KIAA1549: variants seen among roughly 807,000 people sequenced by gnomAD.
The protein encoded by KIAA1549 is UPF0606 protein KIAA1549.
KIAA1549 carries 70 observed loss-of-function variants against 156.4 expected under a neutral mutation model. The ratio of observed to expected loss-of-function variants is 0.45; its 90% confidence interval spans 0.37 to 0.55. The LOEUF (loss-of-function observed/expected upper bound fraction) is 0.55, where lower values mean the gene tolerates loss of function less well. Ranked by LOEUF, KIAA1549 falls within the 20% of genes least tolerant of loss-of-function variation. KIAA1549 has a pLI of 0.00. For synonymous variants in KIAA1549, 1,103 were observed against 1,066.4 expected, an observed-to-expected ratio of 1.03 and a Z score of -0.67; for missense variants, 2,428 against 2,540.9, an observed-to-expected ratio of 0.96 and a Z score of 0.96.
chr7:138,914,942 T>C (rs544784686), intron 2 of KIAA1549, among the ~76,000 whole-genome samples: 1 of 152,282 alleles, frequency 6.6e-6, no homozygotes, highest in South Asian at 2.1e-4. Flanking sequence ...ACTGACCACT[T>C]TGTAACAATT....
intron 1 of KIAA1549, among the ~76,000 whole-genome samples, chr7:138,958,700 G>A (rs765269939): frequency 6.6e-6 from 1 of 152,016 alleles, no homozygotes; most frequent in African/African-American, 2.4e-5. Flanking sequence ...CCCTGGTATA[G>A]AGAGGACTGG....
intron 1 of KIAA1549, among the ~76,000 whole-genome samples, chr7:138,944,237 C>A (rs1266302924): frequency 6.6e-6 from 1 of 152,156 alleles, no homozygotes; most frequent in Non-Finnish European, 1.5e-5. Context: ...CCCCAGCCCC[C>A]ACACTACCCC....
chr7:138,926,352 T>C (rs1195308277), intron 1 of KIAA1549, among the ~76,000 whole-genome samples: 1 of 152,124 alleles, frequency 6.6e-6, no homozygotes, highest in African/African-American at 2.4e-5. Context: ...AGAGGTGCAA[T>C]CTCGGCTCAC....
intron 1 of KIAA1549, among the ~76,000 whole-genome samples, chr7:138,979,797 C>T (rs1814490302): frequency 6.6e-6 from 1 of 152,204 alleles, no homozygotes; most frequent in South Asian, 2.1e-4. Context: ...CCTGGTTCCA[C>T]CCAGCTATGG....
intron 1 of KIAA1549, among the ~76,000 whole-genome samples, chr7:138,965,891 T>G (rs942633144): frequency 6.6e-6 from 1 of 152,164 alleles, no homozygotes; most frequent in Non-Finnish European, 1.5e-5. Context: ...CCTCCACCCC[T>G]AGCACCCACT....
In KIAA1549 at chr7:138,865,604, A is replaced by G. The variant is rs1239521097; in HGVS notation, c.4929+2371T>C. On this transcript the variant is annotated intron_variant, in intron 15 of 19. Transcript: ENST00000422774. ...ATTTTTATTTTGGGGCAATCTTTTAAAAAAGGAGCCACTGAAGGCAAGCAG... is the reference window on the plus strand; with the variant it reads ...ATTTTTATTTTGGGGCAATCTTTTAGAAAAGGAGCCACTGAAGGCAAGCAG... Among the ~76,000 whole-genome samples the G allele has an allele frequency of 2.0e-5, 3 of 152,308 alleles. No individual in the cohort carries two copies. In the East Asian group the frequency reaches 5.8e-4, roughly 29 times the overall value.
intron 1 of KIAA1549, among the ~76,000 whole-genome samples, chr7:138,931,833 C>T (rs1442076926): frequency 2.0e-5 from 3 of 151,286 alleles, no homozygotes; most frequent in Non-Finnish European, 2.9e-5. Flanking sequence ...TTGAGATTCA[C>T]GTGTATATAT....
At chr7:138,912,944 G>T (rs10235163) in intron 2 of KIAA1549, among the ~76,000 whole-genome samples, 7 of 151,902 alleles carry the variant, frequency 4.6e-5, no homozygotes, top group East Asian at 1.9e-4. Flanking sequence ...GCGCAATCTT[G>T]GCTCACTGTA....
intron 17 of KIAA1549, among the ~76,000 whole-genome samples, chr7:138,844,874 A>AT (rs111317307): frequency 0.028 from 4,054 of 146,762 alleles, 183 homozygotes; most frequent in African/African-American, 0.09. Context: ...CACAGCGGTA[A>AT]TTTTTTTTTT....
At chr7:138,857,995 G>GA (rs1810441224) in intron 16 of KIAA1549, among the ~76,000 whole-genome samples, 1 of 152,174 alleles carries the variant, frequency 6.6e-6, no homozygotes, top group Non-Finnish European at 1.5e-5. Context: ...CATTTAATGT[G>GA]ATTATTGATA....
At chr7:138,861,997 C>T (rs984419258) in intron 15 of KIAA1549, among the ~76,000 whole-genome samples, 2 of 152,094 alleles carry the variant, frequency 1.3e-5, no homozygotes, top group Admixed American at 6.6e-5. Context: ...CAACTATTTA[C>T]AAGGCATTTC....
At chr7:138,961,671 T>C (rs906286203) in intron 1 of KIAA1549, among the ~76,000 whole-genome samples, 29 of 152,070 alleles carry the variant, frequency 1.9e-4, no homozygotes, top group African/African-American at 6.5e-4. Flanking sequence ...GTGATGATGA[T>C]GCCACTATCA....
rs537450614 is a variant in KIAA1549 at position 138,926,191 on chromosome 7, T to C, written c.188-6753A>G. Among the ~76,000 whole-genome samples the C allele has an allele frequency of 1.5e-4, 23 of 152,362 alleles. 1 individual carries two copies. In the South Asian group the frequency reaches 4.8e-3, roughly 32 times the overall value. The stretch of plus-strand genomic sequence containing the variant: ...AAATCTACTACAAAACAAGGGCTCC[T>C]GGCCCCCAGGATTTCTAAGAGTTTA... On this transcript the variant is annotated intron_variant, in intron 1 of 19. Transcript: ENST00000422774.
chr7:138,871,680 A>T (rs745469621), intron 12 of KIAA1549, among the ~76,000 whole-genome samples: 1 of 152,270 alleles, frequency 6.6e-6, no homozygotes, highest in African/African-American at 2.4e-5. Flanking sequence ...ATAGGACAGA[A>T]GGAGCCTGAA....
chr7:138,856,032 TTTTA>T (rs946080349), intron 16 of KIAA1549, among the ~76,000 whole-genome samples: 1 of 148,550 alleles, frequency 6.7e-6, no homozygotes, highest in Admixed American at 6.6e-5. Context: ...TTATTATTTA[TTTTA>T]TTTTTTTTTT....
intron 1 of KIAA1549, among the ~76,000 whole-genome samples, chr7:138,940,178 C>A (rs867890651): frequency 2.6e-5 from 4 of 151,972 alleles, no homozygotes; most frequent in Middle Eastern, 3.4e-3. Context: ...CCCCACCCCA[C>A]AACAGGCCCC....
intron 12 of KIAA1549, among the ~76,000 whole-genome samples, chr7:138,877,042 G>A (rs535752337): frequency 1.8e-4 from 27 of 152,288 alleles, no homozygotes; most frequent in African/African-American, 5.1e-4. Flanking sequence ...AAAGAGAGCC[G>A]GTAGCTGTAC....
chr7:138,899,460 G>A (rs548391516), intron 8 of KIAA1549, among the ~76,000 whole-genome samples: 4 of 152,258 alleles, frequency 2.6e-5, no homozygotes, highest in South Asian at 2.1e-4. Context: ...TGCTGACCAC[G>A]TCATAAGAGA....
intron 1 of KIAA1549, among the ~76,000 whole-genome samples, chr7:138,957,582 A>G (rs1813705312): frequency 6.6e-6 from 1 of 151,784 alleles, no homozygotes; most frequent in Admixed American, 6.6e-5. Flanking sequence ...GGTTCAAGCA[A>G]TTCTCTTGCC....
Sources: gnomAD v4.1 joint callset for allele counts (sites outside exome capture counted in the v4.1 genomes callset) on GRCh38, gnomAD v4.1.1 for gene constraint, MANE v1.5 for transcripts, NCBI Gene and HGNC (gene_info 2026-07-23, HGNC 2026-07-21) for gene names.